Variants in DENND4A observed in about 807,000 individuals in gnomAD.
DENND4A encodes DENN domain containing 4A.
Under a neutral mutation model 199.3 loss-of-function variants are expected in DENND4A, and 70 were observed. That is an observed-to-expected ratio of 0.35 (90% CI 0.29 to 0.43). DENND4A has a LOEUF of 0.43. Ranked by LOEUF, DENND4A falls within the 20% of genes least tolerant of loss-of-function variation. DENND4A has a pLI of 1.00. For synonymous variants in DENND4A, 686 were observed against 766.9 expected (o/e 0.89, Z 1.74); for missense variants, 1,723 against 2,255.8 (o/e 0.76, Z 4.78).
At chr15:65,787,723 C>T (rs937933910) in intron 1 of DENND4A, among the ~76,000 whole-genome samples, 5 of 152,102 alleles carry the variant, frequency 3.3e-5, no homozygotes, top group African/African-American at 1.2e-4. Context: ...CCTAAGGTGC[C>T]AGGCTACTGG....
intron 4 of DENND4A, among the ~76,000 whole-genome samples, chr15:65,748,064 G>GAAAA (rs1555431499): frequency 3.0e-4 from 29 of 97,006 alleles, no homozygotes; most frequent in South Asian, 6.7e-4. Flanking sequence ...AAAAAAAAAA[G>GAAAA]GAAAAAAAAA....
chr15:65,702,818 A>G, intron 16 of DENND4A, 55 bp downstream of exon 16: 1 of 1,480,068 alleles, frequency 6.8e-7, no homozygotes, highest in Non-Finnish European at 9.4e-7. Context: ...GAGGATAAAT[A>G]TCCAATTTAT....
intron 1 of DENND4A, among the ~76,000 whole-genome samples, chr15:65,769,198 T>TACAC (rs3082834): frequency 0.029 from 4,216 of 146,330 alleles, 63 homozygotes; most frequent in Admixed American, 0.037. Context: ...ATATAAGGTA[T>TACAC]ACACACACAC....
chr15:65,673,701 G>T (rs1483785348), intron 24 of DENND4A, among the ~76,000 whole-genome samples: 1 of 151,670 alleles, frequency 6.6e-6, no homozygotes, highest in Non-Finnish European at 1.5e-5. Flanking sequence ...ACCCTAGAGA[G>T]GCAGAAAACG....
intron 15 of DENND4A, among the ~76,000 whole-genome samples, chr15:65,703,689 G>A (rs1032150506): frequency 1.3e-5 from 2 of 152,128 alleles, no homozygotes; most frequent in African/African-American, 4.8e-5. Context: ...AGCTAGGCTG[G>A]GTGCAGTTAG....
chr15:65,659,322 G>GTTTTTTT lies in DENND4A; in HGVS notation c.*2522_*2528dup, dbSNP rs869058369. 1.4e-5 allele frequency: 1 copy of GTTTTTTT among 71,604 alleles called. No homozygotes were observed. 4.4% of individuals were successfully genotyped at this position (71,604 alleles called of 1,614,324 possible). The stretch of plus-strand genomic sequence containing the variant: ...TATTTTAAATGATTGATATTTTCTG[G>GTTTTTTT]TTTTTTTTTTTTTTTTTTTTTTTTT... On this transcript the variant is annotated 3_prime_UTR_variant, in exon 33 of 33. Transcript: ENST00000443035.
intron 23 of DENND4A, among the ~76,000 whole-genome samples, chr15:65,687,288 G>T (rs1172868664): frequency 6.6e-6 from 1 of 152,070 alleles, no homozygotes; most frequent in Non-Finnish European, 1.5e-5. Flanking sequence ...GGTCTGTGGG[G>T]TAAGTTCCTT....
intron 19 of DENND4A, 94 bp downstream of exon 19, chr15:65,700,957 T>C: frequency 7.3e-7 from 1 of 1,370,486 alleles, no homozygotes. Context: ...AACTAAAACA[T>C]TCAATATTTT....
intron 4 of DENND4A, among the ~76,000 whole-genome samples, chr15:65,748,240 G>T (rs1475220075): frequency 4.6e-5 from 7 of 151,678 alleles, no homozygotes; most frequent in East Asian, 1.9e-4. Context: ...CTAACATCAA[G>T]AAATTAGCTT....
intron 5 of DENND4A, among the ~76,000 whole-genome samples, chr15:65,739,167 T>C (rs1326043241): frequency 6.6e-6 from 1 of 152,194 alleles, no homozygotes; most frequent in Non-Finnish European, 1.5e-5. Context: ...TCCTAAAAAT[T>C]CAGCTTGTGG....
intron 1 of DENND4A, among the ~76,000 whole-genome samples, chr15:65,784,628 G>A (rs1395414264): frequency 2.0e-5 from 3 of 152,134 alleles, no homozygotes; most frequent in Non-Finnish European, 4.4e-5. Flanking sequence ...TGTATAGTGG[G>A]TTGGACAAAA....
intron 4 of DENND4A, among the ~76,000 whole-genome samples, chr15:65,750,798 G>T (rs1175716553): frequency 1.3e-5 from 2 of 151,914 alleles, no homozygotes; most frequent in African/African-American, 4.8e-5. Flanking sequence ...TGCATGGGAG[G>T]ACTTTGGCTT....
chr15:65,746,754 T>G (rs138451822), intron 4 of DENND4A, among the ~76,000 whole-genome samples: 1 of 151,666 alleles, frequency 6.6e-6, no homozygotes, highest in Non-Finnish European at 1.5e-5. Context: ...AAGAGCCATG[T>G]GGAAAGAGTA....
At chr15:65,749,002 A>C (rs937780611) in intron 4 of DENND4A, among the ~76,000 whole-genome samples, 4 of 151,950 alleles carry the variant, frequency 2.6e-5, no homozygotes, top group Admixed American at 1.3e-4. Flanking sequence ...CTAAAAAAAA[A>C]AAAACAAAAA....
chr15:65,682,187 C>T (rs980652262), intron 23 of DENND4A, among the ~76,000 whole-genome samples: 1 of 152,180 alleles, frequency 6.6e-6, no homozygotes, highest in African/African-American at 2.4e-5. Context: ...ACTGACTTTT[C>T]CTCTCTCTCC....
At chr15:65,706,272 C>T in intron 14 of DENND4A, 48 bp from the exon 15 acceptor site, 1 of 1,426,658 alleles carries the variant, frequency 7.0e-7, no homozygotes, top group Non-Finnish European at 9.2e-7. Context: ...ATTGGTTAGC[C>T]AAGTGTTCAT....
intron 2 of DENND4A, among the ~76,000 whole-genome samples, chr15:65,759,432 C>T (rs1378344861): frequency 2.6e-5 from 4 of 151,888 alleles, no homozygotes; most frequent in Non-Finnish European, 5.9e-5. Context: ...GAGACAAGAT[C>T]GCGCCACTGC....
At chr15:65,778,767 G>T (rs553542107) in intron 1 of DENND4A, among the ~76,000 whole-genome samples, 1 of 151,968 alleles carries the variant, frequency 6.6e-6, no homozygotes, top group South Asian at 2.1e-4. Flanking sequence ...GGTGGCACGT[G>T]CCTGTAATCC....
intron 1 of DENND4A, chr15:65,771,906 A>C: frequency 6.2e-7 from 1 of 1,611,704 alleles, no homozygotes; most frequent in Non-Finnish European, 8.5e-7. Context: ...TTTTGTCTGG[A>C]TGAAACTTCA....
Sources: allele counts gnomAD v4.1 joint callset (sites outside exome capture counted in the v4.1 genomes callset), GRCh38; gene constraint gnomAD v4.1.1; transcripts MANE v1.5; gene names NCBI Gene and HGNC (gene_info 2026-07-23, HGNC 2026-07-21).